CHST8: variants seen among roughly 807,000 people sequenced by gnomAD.
CHST8 encodes carbohydrate sulfotransferase 8, also known as GALNAC-4-ST1.
A neutral mutation model predicts 15.0 loss-of-function variants in CHST8; 10 were observed. That is an observed-to-expected ratio of 0.67 (90% CI 0.41 to 1.13). CHST8 has a LOEUF of 1.13. CHST8 is among the 50% of genes most tolerant of loss of function. The probability of loss-of-function intolerance (pLI) is 0.00; values close to 1 mark genes in which losing one functional copy is unlikely to be tolerated. For missense variants in CHST8, 634 were observed against 608.2 expected (o/e 1.04, Z -0.45); for synonymous variants, 259 against 256.6 (o/e 1.01, Z -0.09).
At chr19:33,648,120 T>C (rs1972377201) in intron 1 of CHST8, among the ~76,000 whole-genome samples, 1 of 151,998 alleles carries the variant, frequency 6.6e-6, no homozygotes, top group Non-Finnish European at 1.5e-5. Context: ...CACAGACAAT[T>C]CTCCTAGGGT....
intron 3 of CHST8, among the ~76,000 whole-genome samples, chr19:33,770,025 C>T (rs1974940673): frequency 2.0e-5 from 3 of 152,196 alleles, no homozygotes; most frequent in Admixed American, 2.0e-4. Flanking sequence ...GCTGACCTTG[C>T]ATCTCCTTCC....
At chr19:33,730,115 G>A (rs577264320) in intron 3 of CHST8, among the ~76,000 whole-genome samples, 41 of 152,170 alleles carry the variant, frequency 2.7e-4, no homozygotes, top group Non-Finnish European at 4.3e-4. Context: ...TTAGTGCCAT[G>A]TGACTTTCTG....
At chr19:33,768,271 CTTTA>C (rs934408714) in intron 3 of CHST8, among the ~76,000 whole-genome samples, 1 of 152,028 alleles carries the variant, frequency 6.6e-6, no homozygotes, top group African/African-American at 2.4e-5. Context: ...TACGTTTCTT[CTTTA>C]TTCGAAAGTG....
chr19:33,699,125 T>C (rs990560936), intron 3 of CHST8, among the ~76,000 whole-genome samples: 10 of 152,154 alleles, frequency 6.6e-5, no homozygotes, highest in African/African-American at 2.4e-4. Flanking sequence ...GGGACCTCCA[T>C]GCCTGGGTCC....
chr19:33,623,562 A>G (rs1217420430), intron 1 of CHST8, among the ~76,000 whole-genome samples: 4 of 152,188 alleles, frequency 2.6e-5, no homozygotes, highest in Non-Finnish European at 4.4e-5. Context: ...CAAGGCCCCC[A>G]GGAGCTACAA....
intron 1 of CHST8, among the ~76,000 whole-genome samples, chr19:33,665,579 G>C (rs1025853051): frequency 6.6e-6 from 1 of 151,890 alleles, no homozygotes; most frequent in African/African-American, 2.4e-5. Context: ...ATGGAAATGT[G>C]TTGGACATTT....
At chr19:33,728,496 A>G (rs1973942130) in intron 3 of CHST8, among the ~76,000 whole-genome samples, 1 of 152,224 alleles carries the variant, frequency 6.6e-6, no homozygotes, top group South Asian at 2.1e-4. Context: ...CAGCAATGCC[A>G]GGCAAAGGAA....
At chr19:33,695,456 T>C (rs888236168) in intron 3 of CHST8, among the ~76,000 whole-genome samples, 4 of 152,206 alleles carry the variant, frequency 2.6e-5, no homozygotes, top group Non-Finnish European at 5.9e-5. Context: ...AGGTGGTTTT[T>C]GGTTACGTGG....
chr19:33,730,053 T>TC (rs747381436), intron 3 of CHST8, among the ~76,000 whole-genome samples: 2 of 152,210 alleles, frequency 1.3e-5, no homozygotes, highest in Non-Finnish European at 2.9e-5. Context: ...CTTAGGACCC[T>TC]CATGTCAGAA....
At chr19:33,748,061 G>A (rs1406952586) in intron 3 of CHST8, among the ~76,000 whole-genome samples, 2 of 152,162 alleles carry the variant, frequency 1.3e-5, no homozygotes, top group Non-Finnish European at 2.9e-5. Flanking sequence ...CCACAGAGCT[G>A]TCCCGTCCAG....
At chr19:33,656,864 C>T (rs994898803) in intron 1 of CHST8, among the ~76,000 whole-genome samples, 3 of 152,062 alleles carry the variant, frequency 2.0e-5, no homozygotes, top group South Asian at 2.1e-4. Flanking sequence ...TGTGAAACAA[C>T]GTTTATCTAT....
At chr19:33,637,357 A>T (rs1457474886) in intron 1 of CHST8, among the ~76,000 whole-genome samples, 1 of 151,676 alleles carries the variant, frequency 6.6e-6, no homozygotes, top group Non-Finnish European at 1.5e-5. Flanking sequence ...CGCCTCTGAC[A>T]GAAGGATCCC....
chr19:33,623,508 G>A (rs375922008), intron 1 of CHST8, among the ~76,000 whole-genome samples: 1 of 152,198 alleles, frequency 6.6e-6, no homozygotes, highest in African/African-American at 2.4e-5. Context: ...GGGGGACAGA[G>A]GGGTAAGAGG....
intron 1 of CHST8, among the ~76,000 whole-genome samples, chr19:33,648,238 A>G (rs1972379169): frequency 6.6e-6 from 1 of 152,066 alleles, no homozygotes; most frequent in Admixed American, 6.5e-5. Flanking sequence ...CTTTATTGAG[A>G]CATAATCACA....
At chr19:33,702,559 T>C (rs1364486581) in intron 3 of CHST8, among the ~76,000 whole-genome samples, 6 of 152,142 alleles carry the variant, frequency 3.9e-5, no homozygotes. Flanking sequence ...ACTGGAAAAC[T>C]GGGTCTCCCA....
intron 3 of CHST8, among the ~76,000 whole-genome samples, chr19:33,741,863 G>T (rs1974200108): frequency 6.6e-6 from 1 of 152,108 alleles, no homozygotes; most frequent in African/African-American, 2.4e-5. Flanking sequence ...GGACATGGGG[G>T]TTTTGCCAGC....
At chr19:33,757,497 A>G (rs1402073385) in intron 3 of CHST8, among the ~76,000 whole-genome samples, 1 of 58,346 alleles carries the variant, frequency 1.7e-5, no homozygotes. Context: ...AAAGAAAGAA[A>G]GAAAGAAAGA....
In CHST8 at chr19:33,689,169, C is replaced by T; in HGVS notation, c.-86-7C>T. On this transcript the variant is annotated splice_polypyrimidine_tract_variant and splice_region_variant and intron_variant, in intron 2 of 4. Coordinates refer to ENST00000650847, the MANE Select transcript of CHST8 (RefSeq NM_001127895.2). ...TCGGTGATGACTATCCCTCCTCTGC[C>T]CCGTAGATCTCGGCCTGATGGACGC... 1 of 1,424,558 alleles carries T rather than the reference C, an allele frequency of 7.0e-7. No homozygotes were observed. Among genetic ancestry groups the T allele is most frequent in the Non-Finnish European group, 9.2e-7 (1 of 1,081,422 alleles). The allele number at this position is 1,424,558 out of a possible 1,614,324, so 88.2% of individuals were successfully genotyped here.
intron 3 of CHST8, among the ~76,000 whole-genome samples, chr19:33,716,696 A>G (rs916926368): frequency 1.3e-5 from 2 of 152,078 alleles, no homozygotes; most frequent in African/African-American, 4.8e-5. Context: ...AAGGAGGGGG[A>G]AGAGCTTTTC....
Sources: allele counts gnomAD v4.1 joint callset (sites outside exome capture counted in the v4.1 genomes callset), GRCh38; gene constraint gnomAD v4.1.1; transcripts MANE v1.5; gene names NCBI Gene and HGNC (gene_info 2026-07-23, HGNC 2026-07-21).